The following OTC variants were observed in gnomAD, a reference collection of about 807,000 sequenced individuals.
OTC encodes the protein ornithine transcarbamylase, mitochondrial.
In OTC, 3 loss-of-function variants were observed where a neutral mutation model predicts 30.3. The observed-to-expected ratio is 0.10, with a 90% CI of 0.05 to 0.26. OTC has a LOEUF of 0.26. Ranked by LOEUF, OTC falls within the 10% of genes least tolerant of loss-of-function variation. The pLI, the probability that OTC is intolerant of heterozygous loss-of-function variation, is 1.00. For synonymous variants in OTC, 111 were observed against 99.7 expected, an observed-to-expected ratio of 1.11 and a Z score of -0.67; for missense variants, 194 against 260.3, an observed-to-expected ratio of 0.75 and a Z score of 1.75.
chrX:38,365,214 G>A (rs1225508404), intron 1 of OTC, among the ~76,000 whole-genome samples: 3 of 112,861 alleles, frequency 2.7e-5, no homozygotes, highest in Non-Finnish European at 3.7e-5. Context: ...TTTAGTACAC[G>A]TGGTGAACCA....
intron 4 of OTC, among the ~76,000 whole-genome samples, chrX:38,386,386 A>AAAT (rs1555974126): frequency 0.011 from 935 of 88,888 alleles, 16 homozygotes; most frequent in African/African-American, 0.034. Flanking sequence ...AAAAAAAAAA[A>AAAT]ATATATATAT....
chrX:38,332,834 A>G, the OTC span, among the ~76,000 whole-genome samples: 1 of 110,906 alleles, frequency 9.0e-6, no homozygotes, highest in Non-Finnish European at 1.9e-5. Context: ...TAGGCTACAT[A>G]TGGAAGTTCA....
At chrX:38,409,728 G>C (rs2068533966) in intron 8 of OTC, among the ~76,000 whole-genome samples, 1 of 112,480 alleles carries the variant, frequency 8.9e-6, no homozygotes, top group East Asian at 2.8e-4. Flanking sequence ...AAATGCACAG[G>C]GGTTTTGTCA....
At chrX:38,335,028 C>T in the OTC span, among the ~76,000 whole-genome samples, 4 of 111,998 alleles carry the variant, frequency 3.6e-5, no homozygotes, top group Non-Finnish European at 7.5e-5. Context: ...CATCCCAAAA[C>T]CAGCCCCATC....
intron 4 of OTC, among the ~76,000 whole-genome samples, chrX:38,396,846 G>A (rs1028157728): frequency 2.2e-4 from 24 of 111,601 alleles, no homozygotes; most frequent in African/African-American, 7.2e-4. Flanking sequence ...GGTTATTATC[G>A]TTTTCCTCAT....
At chrX:38,419,911 G>C in intron 9 of OTC, among the ~76,000 whole-genome samples, 1 of 110,971 alleles carries the variant, frequency 9.0e-6, no homozygotes, top group South Asian at 3.8e-4. Context: ...AAAGTTTCAG[G>C]TAGACAGGGA....
At position 38,380,797 on chromosome X, in the gene OTC, C is replaced by T. The variant is rs1251355324; in HGVS notation, c.299-545C>T. Among the ~76,000 whole-genome samples, 4 of 111,513 alleles carry T rather than the reference C, an allele frequency of 3.6e-5. No homozygotes were observed. In the Admixed American group the frequency reaches 3.8e-4, roughly 11 times the overall value. ...AGGCTGGAGTGCAGTGGCATGATCTCGGCTCACTACAACCCCTGCCTCCCA... is the reference window on the plus strand; with the variant it reads ...AGGCTGGAGTGCAGTGGCATGATCTTGGCTCACTACAACCCCTGCCTCCCA... On this transcript the variant is annotated intron_variant, in intron 3 of 9. Transcript: ENST00000039007.
At chrX:38,331,431 G>GTTTTTTTTTT in the OTC span, among the ~76,000 whole-genome samples, 1 of 73,451 alleles carries the variant, frequency 1.4e-5, no homozygotes. Flanking sequence ...TTTTTTTTTT[G>GTTTTTTTTTT]TTTTTTTTTT....
Position 38,421,120 on chromosome X carries a change from A to C in OTC, c.*38A>C. On this transcript the variant is annotated 3_prime_UTR_variant, in exon 10 of 10. Coordinates refer to ENST00000039007, the MANE Select transcript of OTC (RefSeq NM_000531.6). ...TGTCAAGAAAGAAGCAATGTTCTTC[A>C]GTAACAGAATGAGTTGGTTTATGGG... 5.1e-6 allele frequency: 5 copies of C among 988,401 alleles called. No individual in the cohort carries two copies. The highest frequency in any genetic ancestry group is 7.2e-6 in the Non-Finnish European group (5 of 692,117). The allele number at this position is 988,401 out of a possible 1,213,427, so 81.5% of individuals were successfully genotyped here. A position where few individuals can be genotyped will look rare whatever the true frequency, so the allele number is the denominator to read the frequency against.
the OTC span, among the ~76,000 whole-genome samples, chrX:38,327,739 G>A: frequency 4.4e-5 from 5 of 113,040 alleles, no homozygotes; most frequent in South Asian, 7.2e-4. Flanking sequence ...CCCTTGTGCC[G>A]TTGGAGGTCC....
intron 3 of OTC, among the ~76,000 whole-genome samples, chrX:38,377,810 G>A (rs139074983): frequency 3.6e-5 from 4 of 111,359 alleles, no homozygotes; most frequent in East Asian, 2.8e-4. Context: ...CCTCTGCACC[G>A]TCCACACTAC....
rs1041502552 is a variant in OTC at position 38,402,076 on chromosome X, C to T, written c.540+648C>T. Among the ~76,000 whole-genome samples, 3 of 111,904 alleles carry T rather than the reference C, an allele frequency of 2.7e-5. No individual in the cohort carries two copies. In the Admixed American group the frequency reaches 2.9e-4, roughly 11 times the overall value. ...CCATGGTTTCTATGTCTATGGATAA[C>T]TCTGAGGAGACAAGATAAACTGGAT... On this transcript the variant is annotated intron_variant, in intron 5 of 9. Coordinates refer to ENST00000039007, the MANE Select transcript of OTC (RefSeq NM_000531.6).
At chrX:38,341,632 A>G in the OTC span, among the ~76,000 whole-genome samples, 1 of 112,396 alleles carries the variant, frequency 8.9e-6, no homozygotes. Flanking sequence ...ACCGGAAGGC[A>G]ATAATCACTC....
rs200564773 is a variant in OTC at position 38,403,659 on chromosome X, C to A, written c.582C>A (p.Ile194=). 1.2e-5 allele frequency: 15 copies of A among 1,205,719 alleles called. No homozygotes were observed. The highest frequency in any genetic ancestry group is 1.7e-5 in the Non-Finnish European group (15 of 891,191). ...TGAAAGGTCTTACCCTCAGCTGGAT[C>A]GGGGATGGGAACAATATCCTGCACT... ...SSLKGLTLSW[I]GDGNNILHSI... The change falls in exon 6 of 10, where the codon ATC becomes ATA. Residue 194 remains isoleucine (I), a synonymous_variant. Coordinates refer to ENST00000039007, the MANE Select transcript of OTC (RefSeq NM_000531.6).
chrX:38,344,194 C>A, the OTC span, among the ~76,000 whole-genome samples: 16,309 of 106,572 alleles, frequency 0.15, 1,325 homozygotes, highest in Middle Eastern at 0.27. Context: ...TAAAGTAATT[C>A]TCAGATTCTC....
chrX:38,342,808 A>T, the OTC span, among the ~76,000 whole-genome samples: 4 of 112,052 alleles, frequency 3.6e-5, no homozygotes, highest in African/African-American at 1.3e-4. Flanking sequence ...TGAAGACAGG[A>T]TTCCCATGGT....
intron 1 of OTC, among the ~76,000 whole-genome samples, chrX:38,355,662 G>A (rs754660284): frequency 2.7e-5 from 3 of 112,337 alleles, no homozygotes; most frequent in African/African-American, 6.5e-5. Flanking sequence ...ATTATAAGAC[G>A]TTCATGTTCT....
At position 38,401,450 on chromosome X, in the gene OTC, A is replaced by G. The variant is rs1269135774; in HGVS notation, c.540+22A>G. On this transcript the variant is annotated intron_variant, in intron 5 of 9. Coordinates refer to ENST00000039007, the MANE Select transcript of OTC (RefSeq NM_000531.6). ...CCAGGTTGGTTTATTTATTTGTCTT[A>G]CAAAAGAGCAAAATCAAATAATTCC... is the stretch of plus-strand genomic sequence containing the variant. The G allele has an allele frequency of 2.5e-5, 29 of 1,149,798 alleles. No homozygotes were observed. The Admixed American group carries it at 6.4e-4, about 25-fold the overall frequency. 94.8% of individuals were successfully genotyped at this position (1,149,798 alleles called of 1,213,427 possible).
Position 38,408,522 on chromosome X carries a change from G to A in OTC, c.664-220G>A, listed in dbSNP as rs1554993. ...GTTTGCCTTTATGATTAAAGAAGTC[G>A]GAGATAGTGAAAGCTGGGGCAATTG... is the stretch of plus-strand genomic sequence containing the variant. On this transcript the variant is annotated intron_variant, in intron 6 of 9. Transcript: ENST00000039007. 0.14 allele frequency among the ~76,000 whole-genome samples: 15,960 copies of A among 111,018 alleles called. 1,061 individuals carry two copies. The highest frequency in any genetic ancestry group is 0.45 in the East Asian group (1,564 of 3,503).
Sources: gnomAD v4.1 joint callset for allele counts (sites outside exome capture counted in the v4.1 genomes callset) on GRCh38, gnomAD v4.1.1 for gene constraint, MANE v1.5 for transcripts, NCBI Gene and HGNC (gene_info 2026-07-23, HGNC 2026-07-21) for gene names.